GRIN2D: variants seen among roughly 807,000 people sequenced by gnomAD.
The protein encoded by GRIN2D is glutamate receptor ionotropic, NMDA 2D.
Under a neutral mutation model 103.2 loss-of-function variants are expected in GRIN2D, and 37 were observed. The observed-to-expected ratio is 0.36, with a 90% confidence interval of 0.28 to 0.47. The LOEUF (loss-of-function observed/expected upper bound fraction) is 0.47, where lower values mean the gene tolerates loss of function less well. GRIN2D is among the 20% of genes least tolerant of loss of function. GRIN2D has a pLI of 1.00. For synonymous variants in GRIN2D, 845 were observed against 885.6 expected (o/e 0.95, Z 0.81); for missense variants, 1,557 against 1,910.6 (o/e 0.81, Z 3.45).
At position 48,443,251 on chromosome 19, in the gene GRIN2D, G is replaced by C. The variant is rs1341292489; in HGVS notation, c.3325G>C (p.Glu1109Gln). The change falls in exon 14 of 14, where the codon GAG becomes CAG. Residue 1109 changes from glutamate (E) to glutamine (Q), a missense_variant. By Grantham distance (29) the Glu-to-Gln change is conservative. Transcript: ENST00000263269. This position sits in a 1 kb window ranked among gnomAD's most constrained non-coding sequence, Gnocchi z 8.9. ...APPPCPYLDL[E>Q]PSPSDSEDSE... ...GCCCCCGTGCCCTTACCTCGATCTC[G>C]AGCCGTCGCCGTCGGACTCGGAGGA... 4 of 1,497,530 alleles carry C rather than the reference G, an allele frequency of 2.7e-6. No individual in the cohort carries two copies. The highest frequency in any genetic ancestry group is 2.9e-5 in the East Asian group (1 of 34,902). The allele number at this position is 1,497,530 out of a possible 1,614,324, so 92.8% of individuals were successfully genotyped here.
At chr19:48,402,765 C>CGA (rs35263933) in intron 3 of GRIN2D, among the ~76,000 whole-genome samples, 8,941 of 108,836 alleles carry the variant, frequency 0.082, 399 homozygotes, top group Non-Finnish European at 0.087. Context: ...TACTCCTTTA[C>CGA]GAGAGAGAGA....
Position 48,404,258 on chromosome 19 carries a change from A to G in GRIN2D, c.466-476A>G, listed in dbSNP as rs985317048. 8.2e-5 allele frequency among the ~76,000 whole-genome samples: 12 copies of G among 145,566 alleles called. No homozygotes were observed. In the East Asian group the frequency reaches 2.1e-3, roughly 26 times the overall value. On this transcript the variant is annotated intron_variant, in intron 3 of 13. Transcript: ENST00000263269. ...TCCATCTCAAAAAAAAAAAAAAAAA[A>G]TCCAAACAGGTGTTCCTGATTGGAG...
At chr19:48,441,192 G>C (rs989783077) in intron 11 of GRIN2D, among the ~76,000 whole-genome samples, 1 of 151,670 alleles carries the variant, frequency 6.6e-6, no homozygotes, top group African/African-American at 2.4e-5. Context: ...GTGGAACCCC[G>C]TCTCTACTAA....
chr19:48,398,191 C>G (rs1464098074), intron 2 of GRIN2D, among the ~76,000 whole-genome samples, 176 bp from the exon 3 acceptor site: 1 of 152,028 alleles, frequency 6.6e-6, no homozygotes, highest in South Asian at 2.1e-4. Context: ...CTCTCGTCCT[C>G]CGTTCCTGTC....
At chr19:48,402,574 G>A (rs1000140066) in intron 3 of GRIN2D, among the ~76,000 whole-genome samples, 5 of 151,408 alleles carry the variant, frequency 3.3e-5, no homozygotes, top group African/African-American at 4.9e-5. Flanking sequence ...AAAATTAGCC[G>A]GGCGCAGTGG....
At chr19:48,411,276 G>A (rs1180055546) in intron 4 of GRIN2D, among the ~76,000 whole-genome samples, 1 of 151,740 alleles carries the variant, frequency 6.6e-6, no homozygotes, top group Non-Finnish European at 1.5e-5. Context: ...AGTGAGCCAA[G>A]ATCACGCCAT....
chr19:48,397,704 C>T (rs73570259), intron 2 of GRIN2D, among the ~76,000 whole-genome samples: 3,341 of 151,920 alleles, frequency 0.022, 49 homozygotes, highest in Middle Eastern at 0.096. Context: ...TCTCTCTCTC[C>T]GTCTTCTCCC....
At chr19:48,433,864 T>C (rs898188973) in intron 11 of GRIN2D, among the ~76,000 whole-genome samples, 1 of 152,150 alleles carries the variant, frequency 6.6e-6, no homozygotes, top group Non-Finnish European at 1.5e-5. Flanking sequence ...TCTGTGTTAA[T>C]GGAATCCTAC....
chr19:48,409,458 G>A (rs1395342160), intron 4 of GRIN2D, among the ~76,000 whole-genome samples: 2 of 151,576 alleles, frequency 1.3e-5, no homozygotes, highest in Non-Finnish European at 2.9e-5. Context: ...TTGTATTTTT[G>A]TAGAGATGGG....
chr19:48,441,714 G>C (rs1273730566), intron 11 of GRIN2D, 55 bp from the exon 12 acceptor site: 5 of 1,452,874 alleles, frequency 3.4e-6, no homozygotes, highest in Non-Finnish European at 4.7e-6. Context: ...TCCAGGCCTG[G>C]CGGCCAGGGC....
intron 2 of GRIN2D, among the ~76,000 whole-genome samples, chr19:48,395,161 G>A (rs1372631665): frequency 6.6e-6 from 1 of 150,618 alleles, no homozygotes; most frequent in African/African-American, 2.5e-5. Flanking sequence ...GACCTTTCAC[G>A]CCCCCATTTC....
chr19:48,408,432 G>A (rs1197534347), intron 4 of GRIN2D, among the ~76,000 whole-genome samples: 1 of 151,542 alleles, frequency 6.6e-6, no homozygotes, highest in East Asian at 1.9e-4. Context: ...CTTGGAGATC[G>A]AGGCTGTAAT....
chr19:48,420,393 A>T (rs1600982640), intron 10 of GRIN2D, among the ~76,000 whole-genome samples: 1 of 151,398 alleles, frequency 6.6e-6, no homozygotes, highest in Admixed American at 6.6e-5. Context: ...GCCCCACTGC[A>T]CTCCAGCCAG....
rs1272976701 is a variant in GRIN2D at position 48,442,790 on chromosome 19, C to T, written c.2864C>T (p.Ala955Val). 1.9e-6 allele frequency: 2 copies of T among 1,069,226 alleles called. No homozygotes were observed. Among genetic ancestry groups the T allele is most frequent in the Non-Finnish European group, 1.1e-6 (1 of 885,816 alleles). The allele number at this position is 1,069,226 out of a possible 1,614,324, so 66.2% of individuals were successfully genotyped here. A position where few individuals can be genotyped will look rare whatever the true frequency, so the allele number is the denominator to read the frequency against. Reference sequence around the variant, plus strand: ...AAGGGCGCGGGGCCGCCGGGGGGCGCGGGCCTGGCCGACGGCTTCCACCGC... The same window carrying T: ...AAGGGCGCGGGGCCGCCGGGGGGCGTGGGCCTGGCCGACGGCTTCCACCGC... ...RTKGAGPPGGAGLADGFHRYY... is the reference protein window; with the variant it reads ...RTKGAGPPGGVGLADGFHRYY... Residue 955 changes from alanine (A) to valine (V), a missense_variant, in exon 14 of 14, where the codon GCG (alanine) becomes GTG (valine). Ala to Val is a moderately conservative substitution (Grantham distance 64). Transcript: ENST00000263269. This position sits in a 1 kb window ranked among gnomAD's most constrained non-coding sequence, Gnocchi z 7.2.
chr19:48,441,903 G>A lies in GRIN2D; in HGVS notation c.2387G>A (p.Gly796Asp). The change falls in exon 12 of 14, where the codon GGC becomes GAC. Residue 796 changes from glycine (G) to aspartate (D), a missense_variant. This residue lies in a region of GRIN2D where 138 missense variants were observed against 270.2 expected (regional missense o/e 0.51). Transcript: ENST00000263269. ...TTGYGIALHKGSRWKRPIDLA... is the reference protein window; with the variant it reads ...TTGYGIALHKDSRWKRPIDLA... ...GGCTATGGCATCGCCCTGCACAAGG[G>A]CTCCCGCTGGAAGCGGCCCATCGAC... The A allele has an allele frequency of 1.2e-6, 2 of 1,612,608 alleles. No homozygotes were observed. Among genetic ancestry groups the A allele is most frequent in the Middle Eastern group, 1.7e-4 (1 of 6,028 alleles).
chr19:48,408,605 G>A (rs1297177867), intron 4 of GRIN2D, among the ~76,000 whole-genome samples: 1 of 151,930 alleles, frequency 6.6e-6, no homozygotes, highest in African/African-American at 2.4e-5. Context: ...GATCACTTGA[G>A]GTCAGGAGTT....
At chr19:48,413,684 A>G (rs1182842030) in intron 4 of GRIN2D, among the ~76,000 whole-genome samples, 2 of 137,206 alleles carry the variant, frequency 1.5e-5, no homozygotes, top group East Asian at 2.3e-4. Flanking sequence ...AAAAAAAAAG[A>G]CCAGCCTGGG....
chr19:48,409,019 G>A (rs1906823294), intron 4 of GRIN2D, among the ~76,000 whole-genome samples: 1 of 151,958 alleles, frequency 6.6e-6, no homozygotes, highest in South Asian at 2.1e-4. Flanking sequence ...TTGGCTCTTG[G>A]TTCTGGAGGC....
At position 48,443,258 on chromosome 19, in the gene GRIN2D, C is replaced by T; in HGVS notation, c.3332C>T (p.Ser1111Leu). The T allele has an allele frequency of 4.6e-6, 7 of 1,519,594 alleles. No individual in the cohort carries two copies. Among genetic ancestry groups the T allele is most frequent in the Non-Finnish European group, 6.1e-6 (7 of 1,142,280 alleles). 94.1% of individuals were successfully genotyped at this position (1,519,594 alleles called of 1,614,324 possible). The change falls in exon 14 of 14, where the codon TCG (serine) becomes TTG (leucine). Residue 1111 changes from serine to leucine, a missense_variant. Physicochemically the swap from Ser to Leu is moderately radical, Grantham distance 145. Transcript: ENST00000263269. The surrounding 1 kb of genome is among the most constrained non-coding windows in gnomAD (Gnocchi z 8.9). ...TGCCCTTACCTCGATCTCGAGCCGT[C>T]GCCGTCGGACTCGGAGGACTCGGAG... ...PPCPYLDLEPSPSDSEDSESL... is the reference protein window; with the variant it reads ...PPCPYLDLEPLPSDSEDSESL...
Sources: allele counts gnomAD v4.1 joint callset (sites outside exome capture counted in the v4.1 genomes callset), GRCh38; gene constraint gnomAD v4.1.1; regional missense constraint gnomAD v4.1.1; non-coding constraint Gnocchi (gnomAD v3.1); transcripts MANE v1.5; gene names NCBI Gene and HGNC (gene_info 2026-07-23, HGNC 2026-07-21).